Variants in OLFM3 observed in about 807,000 individuals in gnomAD.
OLFM3 encodes the protein noelin-3.
Under a neutral mutation model 48.6 loss-of-function variants are expected in OLFM3, and 20 were observed. The observed-to-expected ratio is 0.41, with a 90% CI of 0.29 to 0.60. The LOEUF (loss-of-function observed/expected upper bound fraction) is 0.60, where lower values mean the gene tolerates loss of function less well. Ranked by LOEUF, OLFM3 falls within the 20% of genes least tolerant of loss-of-function variation. The pLI is 0.28. For missense variants in OLFM3, 437 were observed against 544.3 expected, an observed-to-expected ratio of 0.80 and a Z score of 1.96; for synonymous variants, 222 against 198.1, an observed-to-expected ratio of 1.12 and a Z score of -1.01.
At chr1:101,836,262 A>G (rs986649331) in intron 2 of OLFM3, among the ~76,000 whole-genome samples, 3 of 152,210 alleles carry the variant, frequency 2.0e-5, no homozygotes, top group East Asian at 3.8e-4. Flanking sequence ...CCTCCCTCCC[A>G]ACTAAACATA....
At chr1:101,992,256 G>A (rs1661432216) in intron 1 of OLFM3, among the ~76,000 whole-genome samples, 1 of 152,112 alleles carries the variant, frequency 6.6e-6, no homozygotes. Context: ...AATTTTAAAA[G>A]AAAAATGAAG....
At chr1:101,893,444 G>A in intron 1 of OLFM3, 1 of 288,948 alleles carries the variant, frequency 3.5e-6, no homozygotes, top group Admixed American at 3.8e-5. Flanking sequence ...TTTGGGAGAA[G>A]ACGATTCTAG....
At chr1:101,930,175 A>G (rs746313456) in intron 1 of OLFM3, among the ~76,000 whole-genome samples, 8 of 152,186 alleles carry the variant, frequency 5.3e-5, no homozygotes, top group Non-Finnish European at 7.3e-5. Context: ...AAATTTTTCA[A>G]TTCCACAAAT....
chr1:101,864,237 T>TAACAAGCA (rs1304521485), intron 1 of OLFM3, among the ~76,000 whole-genome samples: 1 of 151,934 alleles, frequency 6.6e-6, no homozygotes, highest in African/African-American at 2.4e-5. Context: ...ATACAAAAAA[T>TAACAAGCA]AACAAGCAAA....
chr1:101,863,644 A>T (rs12405526), intron 1 of OLFM3, among the ~76,000 whole-genome samples: 7,462 of 152,268 alleles, frequency 0.049, 454 homozygotes, highest in East Asian at 0.2. Context: ...AAAAATATCA[A>T]TATATTTTCC....
At chr1:101,928,938 C>A (rs1659361371) in intron 1 of OLFM3, among the ~76,000 whole-genome samples, 1 of 152,058 alleles carries the variant, frequency 6.6e-6, no homozygotes, top group African/African-American at 2.4e-5. Context: ...TGTTTTGCAA[C>A]TTTCCTATAA....
At chr1:101,847,011 A>C in intron 1 of OLFM3, 1 of 1,579,346 alleles carries the variant, frequency 6.3e-7, no homozygotes. Flanking sequence ...TGACTGATTA[A>C]GATCCCGGTG....
intron 1 of OLFM3, among the ~76,000 whole-genome samples, chr1:101,938,512 C>T (rs17125781): frequency 0.011 from 1,627 of 152,314 alleles, 34 homozygotes; most frequent in African/African-American, 0.037. Flanking sequence ...CCGTTATTTA[C>T]CTGGCCACCA....
In OLFM3 at chr1:101,918,049, T is replaced by C. The variant is rs1658980092; in HGVS notation, c.69+78699A>G. Among the ~76,000 whole-genome samples the C allele has an allele frequency of 1.3e-5, 2 of 152,340 alleles. 1 individual carries two copies. The highest frequency in any genetic ancestry group is 4.1e-4 in the South Asian group (2 of 4,824). ...GAGTTTCTTTCCACAGACATCTTTA[T>C]AATTACTGTTCTGGTTTTGACATAA... On this transcript the variant is annotated intron_variant, in intron 1 of 5. Transcript: ENST00000370103.
chr1:101,895,623 A>C (rs535650438), intron 1 of OLFM3, among the ~76,000 whole-genome samples: 7 of 152,282 alleles, frequency 4.6e-5, no homozygotes, highest in Non-Finnish European at 1.0e-4. Context: ...CCATGTCAAG[A>C]TAGCCTGTGA....
chr1:101,969,224 T>C (rs1203907740), intron 1 of OLFM3, among the ~76,000 whole-genome samples: 1 of 152,092 alleles, frequency 6.6e-6, no homozygotes. Context: ...CAGAGCTCAC[T>C]GCAGCCTTGA....
chr1:101,931,229 C>T (rs182301959), intron 1 of OLFM3, among the ~76,000 whole-genome samples: 12 of 152,262 alleles, frequency 7.9e-5, no homozygotes, highest in Admixed American at 3.3e-4. Flanking sequence ...AGGCACTATT[C>T]TTTTGTACAA....
chr1:101,930,434 T>C (rs1008834619), intron 1 of OLFM3, among the ~76,000 whole-genome samples: 4 of 152,180 alleles, frequency 2.6e-5, no homozygotes, highest in African/African-American at 9.6e-5. Context: ...ATATGGTTTT[T>C]CCACCTTCTA....
chr1:101,835,558 A>G (rs1403306001), intron 2 of OLFM3, among the ~76,000 whole-genome samples: 1 of 152,172 alleles, frequency 6.6e-6, no homozygotes, highest in Non-Finnish European at 1.5e-5. Context: ...CAGGTGATCC[A>G]CCTGCCTTGG....
chr1:101,907,872 C>G (rs1305800752), intron 1 of OLFM3, among the ~76,000 whole-genome samples: 2 of 148,648 alleles, frequency 1.3e-5, no homozygotes, highest in African/African-American at 2.6e-5. Context: ...TAGTAAAAAA[C>G]GTATAATTTT....
At chr1:101,805,665 T>C (rs1653735883) in intron 5 of OLFM3, among the ~76,000 whole-genome samples, 1 of 151,814 alleles carries the variant, frequency 6.6e-6, no homozygotes, top group Admixed American at 6.6e-5. Flanking sequence ...GTTTTGCCCT[T>C]GAGTTTTTCA....
chr1:101,809,485 C>T (rs963677636), intron 4 of OLFM3, among the ~76,000 whole-genome samples: 7 of 151,788 alleles, frequency 4.6e-5, no homozygotes, highest in Non-Finnish European at 7.4e-5. Context: ...AACATGTGCA[C>T]TTTCCAAAAA....
chr1:101,907,538 G>A (rs948605625), intron 1 of OLFM3, among the ~76,000 whole-genome samples: 14 of 152,208 alleles, frequency 9.2e-5, no homozygotes, highest in Non-Finnish European at 1.8e-4. Context: ...TTGCAGAAGC[G>A]ACCCAGGACA....
At chr1:101,994,839 AATGT>A (rs1557761923) in intron 1 of OLFM3, among the ~76,000 whole-genome samples, 1 of 152,010 alleles carries the variant, frequency 6.6e-6, no homozygotes, top group Non-Finnish European at 1.5e-5. Flanking sequence ...TTGAAAAGTT[AATGT>A]ATGCCTTCCC....
Sources: gnomAD v4.1 joint callset for allele counts (sites outside exome capture counted in the v4.1 genomes callset) on GRCh38, gnomAD v4.1.1 for gene constraint, MANE v1.5 for transcripts, NCBI Gene and HGNC (gene_info 2026-07-23, HGNC 2026-07-21) for gene names.